The following PCDHGB4 variants were observed in gnomAD, a reference collection of about 807,000 sequenced individuals.
PCDHGB4 encodes the protein protocadherin gamma-B4.
PCDHGB4 carries 38 observed loss-of-function variants against 60.5 expected under a neutral mutation model. The ratio of observed to expected loss-of-function variants is 0.63; its 90% CI spans 0.48 to 0.82. The LOEUF (loss-of-function observed/expected upper bound fraction) is 0.82, where lower values mean the gene tolerates loss of function less well. Ranked by LOEUF, PCDHGB4 falls within the 40% of genes least tolerant of loss-of-function variation. The pLI is 0.00. For synonymous variants in PCDHGB4, 456 were observed against 509.7 expected (o/e 0.89, Z 1.42); for missense variants, 1,109 against 1,209.6 (o/e 0.92, Z 1.23).
At position 141,491,942 on chromosome 5, in the gene PCDHGB4, C is replaced by T. The variant is rs932715298; in HGVS notation, c.2398-2865C>T. 6.4e-5 allele frequency: 72 copies of T among 1,122,376 alleles called. No individual in the cohort carries two copies. Among genetic ancestry groups the T allele is most frequent in the Admixed American group, 3.5e-5 (1 of 28,738 alleles). 69.5% of individuals were successfully genotyped at this position (1,122,376 alleles called of 1,614,324 possible). A position where few individuals can be genotyped will look rare whatever the true frequency, so the allele number is the denominator to read the frequency against. ...GGCGAGGGGAGGTGGGACCGACCCC[C>T]ACCCCTACACTCAAAAAAGGCCGGG... is the stretch of plus-strand genomic sequence containing the variant. On this transcript the variant is annotated intron_variant, in intron 1 of 3. Transcript: ENST00000519479. The surrounding 1 kb of genome is among the most constrained non-coding windows in gnomAD (Gnocchi z 6.9).
intron 1 of PCDHGB4, chr5:141,418,485 A>T: frequency 6.2e-7 from 1 of 1,614,028 alleles, no homozygotes; most frequent in Non-Finnish European, 8.5e-7. Flanking sequence ...AGCGCTCACC[A>T]CTTGGTACTG....
At chr5:141,483,648 T>TTGTGTGTGTGTGTG (rs111458813) in intron 1 of PCDHGB4, among the ~76,000 whole-genome samples, 2 of 149,592 alleles carry the variant, frequency 1.3e-5, no homozygotes, top group Non-Finnish European at 3.0e-5. Context: ...GGGTGTGTGT[T>TTGTGTGTGTGTGTG]TGTGTGTGTG....
At chr5:141,510,906 C>G in intron 3 of PCDHGB4, 41 bp from the exon 4 acceptor site, 1 of 1,613,582 alleles carries the variant, frequency 6.2e-7, no homozygotes, top group Non-Finnish European at 8.5e-7. Context: ...TGTTGAGGAC[C>G]CTAAGTTTAG....
At position 141,487,370 on chromosome 5, in the gene PCDHGB4, T is replaced by C; in HGVS notation, c.2398-7437T>C. 6.2e-7 allele frequency: 1 copy of C among 1,614,232 alleles called. No individual in the cohort carries two copies. Among genetic ancestry groups the C allele is most frequent in the South Asian group, 1.1e-5 (1 of 91,080 alleles). On this transcript the variant is annotated intron_variant, in intron 1 of 3. Transcript: ENST00000519479. The surrounding 1 kb of genome is among the most constrained non-coding windows in gnomAD (Gnocchi z 5.0). ...ATGCTTTCCTGCTGGCACCTGTGCC[T>C]GTCTCACCAGATCTCGAAGGAGGGA... is the stretch of plus-strand genomic sequence containing the variant.
intron 1 of PCDHGB4, among the ~76,000 whole-genome samples, chr5:141,451,302 G>T (rs1445994098): frequency 6.6e-6 from 1 of 152,208 alleles, no homozygotes; most frequent in Non-Finnish European, 1.5e-5. Context: ...GTCTTACAAG[G>T]CAGCAATTAA....
chr5:141,503,212 C>G (rs1227936455), intron 2 of PCDHGB4, among the ~76,000 whole-genome samples: 1 of 152,074 alleles, frequency 6.6e-6, no homozygotes, highest in African/African-American at 2.4e-5. Flanking sequence ...CAGTGCCCAC[C>G]ATGAGCACCG....
At chr5:141,502,724 C>T (rs1288841230) in intron 2 of PCDHGB4, among the ~76,000 whole-genome samples, 2 of 152,134 alleles carry the variant, frequency 1.3e-5, no homozygotes, top group African/African-American at 4.8e-5. Context: ...GATTACAAAG[C>T]GGTGATGTTC....
chr5:141,404,004 C>G (rs1219625288), intron 1 of PCDHGB4: 33 of 1,613,842 alleles, frequency 2.0e-5, no homozygotes, highest in Non-Finnish European at 2.8e-5. Flanking sequence ...ACCATTACAT[C>G]TCTGTTTAGC....
Position 141,388,658 on chromosome 5 carries a change from G to T in PCDHGB4, c.774G>T (p.Gly258=). Residue 258 remains glycine, a synonymous_variant, in exon 1 of 4, where the codon GGG becomes GGT. Coordinates refer to ENST00000519479, the MANE Select transcript of PCDHGB4 (RefSeq NM_003736.4). ...RVSLSENVYP[G]TTVLQVTATD... ...GCCTTTCAGAAAACGTGTACCCGGG[G>T]ACCACGGTGCTACAGGTGACTGCCA... 4.3e-6 allele frequency: 7 copies of T among 1,613,908 alleles called. No homozygotes were observed. Among genetic ancestry groups the T allele is most frequent in the Non-Finnish European group, 5.9e-6 (7 of 1,179,860 alleles).
intron 1 of PCDHGB4, chr5:141,395,540 GTT>G (rs1195680754): frequency 2.1e-5 from 4 of 186,176 alleles, no homozygotes; most frequent in South Asian, 7.0e-5. Flanking sequence ...TTTTGCTATT[GTT>G]TGTGTGTGTG....
Position 141,489,417 on chromosome 5 carries a change from G to A in PCDHGB4, c.2398-5390G>A, listed in dbSNP as rs1020232739. On this transcript the variant is annotated intron_variant, in intron 1 of 3. Coordinates refer to ENST00000519479, the MANE Select transcript of PCDHGB4 (RefSeq NM_003736.4). This position sits in a 1 kb window ranked among gnomAD's most constrained non-coding sequence, Gnocchi z 4.5. ...ATCTGGGCTTAAAGATGACAGATCT[G>A]TTGAGCCGGCGGCTGCAATTGGGCT... The A allele has an allele frequency of 1.2e-6, 2 of 1,614,172 alleles. No individual in the cohort carries two copies. The highest frequency in any genetic ancestry group is 3.3e-5 in the Admixed American group (2 of 60,030).
intron 2 of PCDHGB4, among the ~76,000 whole-genome samples, chr5:141,503,994 A>C (rs1330628079): frequency 6.6e-6 from 1 of 152,158 alleles, no homozygotes; most frequent in Non-Finnish European, 1.5e-5. Context: ...CTTACCTTAC[A>C]GTCACTTAAC....
rs755177334 is a variant in PCDHGB4, at chr5:141,403,403, C to A, written c.2397+13122C>A. On this transcript the variant is annotated intron_variant, in intron 1 of 3. Coordinates refer to ENST00000519479, the MANE Select transcript of PCDHGB4 (RefSeq NM_003736.4). ...TAACGAAATCGCGGTTCCTGGAGCA[C>A]GTTATCCACTTCCAGAAGCTATTGA... 6.2e-6 allele frequency: 10 copies of A among 1,613,948 alleles called. 1 individual carries two copies. The South Asian group carries it at 1.1e-4, about 18-fold the overall frequency.
intron 2 of PCDHGB4, among the ~76,000 whole-genome samples, chr5:141,497,643 G>A (rs773129390): frequency 6.6e-6 from 1 of 151,192 alleles, no homozygotes; most frequent in African/African-American, 2.4e-5. Context: ...AGGTTCAAGC[G>A]ATTCTCCTGC....
chr5:141,510,400 TA>T (rs780031896), intron 3 of PCDHGB4, among the ~76,000 whole-genome samples: 12 of 151,920 alleles, frequency 7.9e-5, no homozygotes, highest in Non-Finnish European at 1.3e-4. Flanking sequence ...TGGCAAAGGC[TA>T]GGGGCATGTA....
At position 141,414,686 on chromosome 5, in the gene PCDHGB4, C is replaced by A. The variant is rs201724090; in HGVS notation, c.2397+24405C>A. On this transcript the variant is annotated intron_variant, in intron 1 of 3. Coordinates refer to ENST00000519479, the MANE Select transcript of PCDHGB4 (RefSeq NM_003736.4). ...GCTGAAGACACCATCCAGGGGGTAC[C>A]TCTGTCCTCATACATATCCATCAAC... 57 of 1,613,924 alleles carry A rather than the reference C, an allele frequency of 3.5e-5. No homozygotes were observed. The highest frequency in any genetic ancestry group is 1.6e-4 in the Middle Eastern group (1 of 6,084).
chr5:141,491,483 A>ACCTGCAGGTGAGCTCGG lies in PCDHGB4; in HGVS notation c.2398-3323_2398-3307dup. The ACCTGCAGGTGAGCTCGG allele has an allele frequency of 3.1e-6, 5 of 1,614,018 alleles. No individual in the cohort carries two copies. The highest frequency in any genetic ancestry group is 4.2e-6 in the Non-Finnish European group (5 of 1,180,012). ...GACTTCTATAAGCAGTCCAGCCCCAACCTGCAGGTGAGCTCGGACGGCACG... is the reference window on the plus strand; with the variant it reads ...GACTTCTATAAGCAGTCCAGCCCCAACCTGCAGGTGAGCTCGGCCTGCAGGTGAGCTCGGACGGCACG... On this transcript the variant is annotated intron_variant, in intron 1 of 3. Coordinates refer to ENST00000519479, the MANE Select transcript of PCDHGB4 (RefSeq NM_003736.4). The surrounding 1 kb of genome is among the most constrained non-coding windows in gnomAD (Gnocchi z 6.9).
intron 1 of PCDHGB4, chr5:141,408,275 T>C: frequency 1.2e-6 from 2 of 1,611,874 alleles, no homozygotes; most frequent in Non-Finnish European, 1.7e-6. Flanking sequence ...GCTGCCTTTG[T>C]TCTACCCCAC....
chr5:141,450,669 T>C (rs2098689726), intron 1 of PCDHGB4, among the ~76,000 whole-genome samples: 1 of 151,904 alleles, frequency 6.6e-6, no homozygotes, highest in Admixed American at 6.6e-5. Context: ...GTACTTTTAG[T>C]AGAAACGGGG....
Sources: allele counts gnomAD v4.1 joint callset (sites outside exome capture counted in the v4.1 genomes callset), GRCh38; gene constraint gnomAD v4.1.1; non-coding constraint Gnocchi (gnomAD v3.1); transcripts MANE v1.5; gene names NCBI Gene and HGNC (gene_info 2026-07-23, HGNC 2026-07-21).